Variants in MDN1 observed in about 807,000 individuals in gnomAD.
The protein encoded by MDN1 is midasin AAA ATPase 1, also known as midasin.
A neutral mutation model predicts 669.2 loss-of-function variants in MDN1; 266 were observed. The observed-to-expected ratio is 0.40, with a 90% CI of 0.36 to 0.44. The LOEUF is 0.44. Ranked by LOEUF, MDN1 falls within the 20% of genes least tolerant of loss-of-function variation. The probability of loss-of-function intolerance (pLI) is 1.00; values close to 1 mark genes in which losing one functional copy is unlikely to be tolerated. For synonymous variants in MDN1, 2,385 were observed against 2,457.1 expected (o/e 0.97, Z 0.87); for missense variants, 5,940 against 6,754.0 (o/e 0.88, Z 4.22).
chr6:89,788,055 TTAAAGGAAACGTCAGCTCTCATAG>T, intron 7 of MDN1, 98 bp from the exon 8 acceptor site: 1 of 1,064,818 alleles, frequency 9.4e-7, no homozygotes, highest in East Asian at 2.6e-5. Context: ...AGACACACCC[TTAAAGGAAACGTCAGCTCTCATAG>T]TCCAAACTGG....
At position 89,695,461 on chromosome 6, in the gene MDN1, A is replaced by T; in HGVS notation, c.9771+144T>A. 1 of 1,022,304 alleles carries T rather than the reference A, an allele frequency of 9.8e-7. No individual in the cohort carries two copies. The highest frequency in any genetic ancestry group is 1.8e-5 in the South Asian group (1 of 56,168). The allele number at this position is 1,022,304 out of a possible 1,614,324, so 63.3% of individuals were successfully genotyped here. ...GGGGAAAATACAGTCTCTAAAACAG[A>T]CTCCTGGGAAGTCATAAGGCAACTT... On this transcript the variant is annotated intron_variant, in intron 61 of 101. Transcript: ENST00000369393. This position sits in a 1 kb window ranked among gnomAD's most constrained non-coding sequence, Gnocchi z 4.1.
At chr6:89,677,737 T>G (rs777045667) in intron 75 of MDN1, 41 bp from the exon 76 acceptor site, 62 of 1,612,376 alleles carry the variant, frequency 3.8e-5, no homozygotes, top group Non-Finnish European at 4.8e-5. Context: ...AGATGCTTAG[T>G]AGAGAATGGA....
Position 89,683,157 on chromosome 6 carries a change from A to G in MDN1, c.12077T>C (p.Leu4026Pro). 2 of 1,614,150 alleles carry G rather than the reference A, an allele frequency of 1.2e-6. No individual in the cohort carries two copies. The highest frequency in any genetic ancestry group is 1.7e-6 in the Non-Finnish European group (2 of 1,180,024). ...QNLNRALRET[L>P]LAQPAAGQAT... is the part of the protein sequence containing the mutation. ...CTGCCCAGCTGCTGGTTGGGCTAAC[A>G]GGGTCTCCCTCAGTGCCCTGTTCAG... is the stretch of plus-strand genomic sequence containing the variant. The change falls in exon 73 of 102, where the codon CTG becomes CCG. Residue 4026 changes from leucine (L) to proline (P), a missense_variant. Leu to Pro is a moderately conservative substitution (Grantham distance 98). Coordinates refer to ENST00000369393, the MANE Select transcript of MDN1 (RefSeq NM_014611.3).
At chr6:89,803,288 C>A in intron 2 of MDN1, 40 bp downstream of exon 2, 1 of 1,561,432 alleles carries the variant, frequency 6.4e-7, no homozygotes, top group Non-Finnish European at 8.8e-7. Context: ...CAGGTTCTAT[C>A]ACCTCAAGGA....
chr6:89,667,863 C>T, intron 84 of MDN1, 151 bp downstream of exon 84: 3 of 796,714 alleles, frequency 3.8e-6, no homozygotes, highest in Non-Finnish European at 5.3e-6. Context: ...TTTTTATTTA[C>T]ACCCACTGCC....
intron 31 of MDN1, 86 bp downstream of exon 31, chr6:89,743,064 C>CA: frequency 6.6e-7 from 1 of 1,513,002 alleles, no homozygotes; most frequent in South Asian, 1.2e-5. Context: ...CCTGGGGTGA[C>CA]AGAGTGAGAA....
intron 22 of MDN1, among the ~76,000 whole-genome samples, chr6:89,751,915 T>C (rs2128318992): frequency 6.6e-6 from 1 of 152,276 alleles, no homozygotes; most frequent in South Asian, 2.1e-4. Context: ...ATATAAACCA[T>C]GTTCCCCGAA....
At chr6:89,698,371 C>CT (rs1034352136) in intron 59 of MDN1, among the ~76,000 whole-genome samples, 5 of 152,174 alleles carry the variant, frequency 3.3e-5, no homozygotes, top group African/African-American at 1.2e-4. Flanking sequence ...AACTTCAACA[C>CT]TTTATCGGTA....
chr6:89,774,056 C>G (rs542375571), intron 13 of MDN1, among the ~76,000 whole-genome samples: 3 of 151,948 alleles, frequency 2.0e-5, no homozygotes, highest in Non-Finnish European at 4.4e-5. Flanking sequence ...GAGGGAGGAG[C>G]ATGGCCCTGT....
rs776846559 is a variant in MDN1, at chr6:89,700,104, G to A, written c.8829C>T (p.Tyr2943=). The A allele has an allele frequency of 6.2e-7, 1 of 1,614,090 alleles. No homozygotes were observed. The highest frequency in any genetic ancestry group is 1.1e-5 in the South Asian group (1 of 91,076). ...GTGCCATAAAATCAGCTGTCACTTT[G>A]TACCGCCAAAGCATAGCCAGGTACT... ...AMEYLAMLWR[Y]KVTADFMAQA... The change falls in exon 57 of 102, where the codon TAC becomes TAT. Residue 2943 remains tyrosine, a synonymous_variant. Transcript: ENST00000369393.
At chr6:89,647,712 CG>C (rs894423190) in intron 99 of MDN1, among the ~76,000 whole-genome samples, 2 of 152,052 alleles carry the variant, frequency 1.3e-5, no homozygotes, top group African/African-American at 2.4e-5. Context: ...CCCAACACTT[CG>C]GGAGGCCAAG....
intron 18 of MDN1, 89 bp from the exon 19 acceptor site, chr6:89,758,440 T>A: frequency 9.5e-7 from 1 of 1,050,828 alleles, no homozygotes; most frequent in African/African-American, 1.6e-5. Context: ...TGCTGGCTGC[T>A]CACACCATCC....
chr6:89,714,409 A>T (rs2128312354), intron 46 of MDN1, 134 bp downstream of exon 46: 1 of 865,402 alleles, frequency 1.2e-6, no homozygotes, highest in East Asian at 2.7e-5. Flanking sequence ...CTGGAAATCC[A>T]CATTTTTAAC....
rs1244576168 is a variant in MDN1, at chr6:89,789,834, G to A, written c.1176C>T (p.Ala392=). The change falls in exon 7 of 102, where the codon GCC becomes GCT. Residue 392 remains alanine, a synonymous_variant. Coordinates refer to ENST00000369393, the MANE Select transcript of MDN1 (RefSeq NM_014611.3). ...CCAGAAGGATCCAGTGGCCCATTGTGGCTGCCTGTGTCAGGGTGCCAGGCT... is the reference window on the plus strand; with the variant it reads ...CCAGAAGGATCCAGTGGCCCATTGTAGCTGCCTGTGTCAGGGTGCCAGGCT... ...VWQPGTLTQA[A]TMGHWILLED... The A allele has an allele frequency of 1.9e-6, 3 of 1,614,074 alleles. No homozygotes were observed. The highest frequency in any genetic ancestry group is 2.5e-6 in the Non-Finnish European group (3 of 1,180,004).
chr6:89,652,319 T>C (rs368493086), intron 94 of MDN1, 38 bp from the exon 95 acceptor site: 18 of 1,550,416 alleles, frequency 1.2e-5, no homozygotes, highest in Non-Finnish European at 1.5e-5. Flanking sequence ...GTGGCCCAGG[T>C]TGGAATCACC....
At chr6:89,742,995 T>C (rs989320748) in intron 31 of MDN1, among the ~76,000 whole-genome samples, 155 bp downstream of exon 31, 1 of 151,784 alleles carries the variant, frequency 6.6e-6, no homozygotes, top group Non-Finnish European at 1.5e-5. Context: ...ATCACATCAA[T>C]CACCTGAGCC....
chr6:89,681,962 C>T (rs1811639870), intron 73 of MDN1, among the ~76,000 whole-genome samples: 1 of 152,166 alleles, frequency 6.6e-6, no homozygotes, highest in South Asian at 2.1e-4. Flanking sequence ...AGAAATTACT[C>T]TCCTGAGGGG....
intron 2 of MDN1, chr6:89,797,640 A>T: frequency 2.1e-6 from 1 of 477,780 alleles, no homozygotes; most frequent in Non-Finnish European, 4.3e-6. Flanking sequence ...GCAAGCCATG[A>T]AGCATATGAA....
At position 89,718,454 on chromosome 6, in the gene MDN1, A is replaced by T. The variant is rs766729902; in HGVS notation, c.6495T>A (p.Ala2165=). 1 of 1,614,030 alleles carries T rather than the reference A, an allele frequency of 6.2e-7. No individual in the cohort carries two copies. Among genetic ancestry groups the T allele is most frequent in the Admixed American group, 1.7e-5 (1 of 59,990 alleles). The change falls in exon 43 of 102, where the codon GCT becomes GCA. Residue 2165 remains alanine, a synonymous_variant. Transcript: ENST00000369393. The part of the protein sequence containing the change: ...KPKCLGEGGK[A]ITMEIVNKLE... ...GTTTGTTGACAATCTCCATCGTGATAGCTTTACCACCTTCTCCAAGACACT... is the reference window on the plus strand; with the variant it reads ...GTTTGTTGACAATCTCCATCGTGATTGCTTTACCACCTTCTCCAAGACACT...
Sources: gnomAD v4.1 joint callset for allele counts (sites outside exome capture counted in the v4.1 genomes callset) on GRCh38, gnomAD v4.1.1 for gene constraint, Gnocchi (gnomAD v3.1) non-coding constraint, MANE v1.5 for transcripts, NCBI Gene and HGNC (gene_info 2026-07-23, HGNC 2026-07-21) for gene names.